The following NMBR variants were observed in gnomAD, a reference collection of about 807,000 sequenced individuals.
NMBR encodes neuromedin-B receptor.
A neutral mutation model predicts 20.5 loss-of-function variants in NMBR; 16 were observed. The observed-to-expected ratio is 0.78, with a 90% CI of 0.53 to 1.19. The LOEUF (loss-of-function observed/expected upper bound fraction) is 1.19. Ranked by LOEUF, NMBR falls within the 50% of genes most tolerant of loss-of-function variation. The pLI, the probability that NMBR is intolerant of heterozygous loss-of-function variation, is 0.00. For missense variants in NMBR, 582 were observed against 499.1 expected (o/e 1.17, Z -1.58); for synonymous variants, 212 against 196.6 (o/e 1.08, Z -0.65).
intron 1 of NMBR, among the ~76,000 whole-genome samples, chr6:142,115,031 T>C (rs1162854472): frequency 6.6e-6 from 1 of 152,128 alleles, no homozygotes; most frequent in Non-Finnish European, 1.5e-5. Flanking sequence ...CTGCAAAGAT[T>C]GAGAGAGACT....
intron 1 of NMBR, among the ~76,000 whole-genome samples, chr6:142,090,732 C>T (rs1025527289): frequency 3.3e-5 from 5 of 151,392 alleles, no homozygotes; most frequent in African/African-American, 1.2e-4. Context: ...TTTTTAACAT[C>T]CAATATTACT....
intron 1 of NMBR, among the ~76,000 whole-genome samples, chr6:142,101,328 G>A (rs1236252072): frequency 6.6e-6 from 1 of 152,102 alleles, no homozygotes; most frequent in Non-Finnish European, 1.5e-5. Flanking sequence ...AACAGCTTTT[G>A]GCTAAACTTG....
chr6:142,129,511 T>C (rs1778102293), intron 1 of NMBR, among the ~76,000 whole-genome samples: 1 of 152,054 alleles, frequency 6.6e-6, no homozygotes, highest in African/African-American at 2.4e-5. Context: ...AGTCCTTGCT[T>C]ACAAGTAGAT....
At chr6:142,115,365 A>G (rs1324042630) in intron 1 of NMBR, among the ~76,000 whole-genome samples, 7 of 152,074 alleles carry the variant, frequency 4.6e-5, no homozygotes, top group African/African-American at 9.7e-5. Context: ...AATAAGGCCT[A>G]TTTGAGGTAT....
rs187323173 is a variant in NMBR, at chr6:142,143,125, T to C, written c.-664+3919A>G. On this transcript the variant is annotated intron_variant, in intron 1 of 3. Transcript: ENST00000258042. ...ATAAACTTATGAGGAATAATTTTTC[T>C]ATAGAGTAATAAAAAATAAAATTTA... Among the ~76,000 whole-genome samples the C allele has an allele frequency of 2.2e-3, 330 of 152,192 alleles. 1 individual carries two copies. In the Middle Eastern group the frequency reaches 0.027, roughly 13 times the overall value.
intron 1 of NMBR, among the ~76,000 whole-genome samples, chr6:142,137,574 A>G (rs1461961590): frequency 6.6e-6 from 1 of 152,278 alleles, no homozygotes; most frequent in Non-Finnish European, 1.5e-5. Context: ...GTCTTGTGCC[A>G]GTTTTCAAAG....
At chr6:142,130,374 T>C (rs985350775) in intron 1 of NMBR, among the ~76,000 whole-genome samples, 1 of 151,888 alleles carries the variant, frequency 6.6e-6, no homozygotes, top group African/African-American at 2.4e-5. Flanking sequence ...GGTCTTAGGG[T>C]AAAAGTCAAA....
intron 1 of NMBR, among the ~76,000 whole-genome samples, chr6:142,141,725 G>A (rs938214081): frequency 2.6e-5 from 4 of 151,982 alleles, no homozygotes; most frequent in Non-Finnish European, 4.4e-5. Context: ...AGGCTGTCTC[G>A]AACTCCTGAC....
chr6:142,082,762 A>G (rs1777124312), intron 2 of NMBR, among the ~76,000 whole-genome samples: 1 of 152,244 alleles, frequency 6.6e-6, no homozygotes, highest in African/African-American at 2.4e-5. Flanking sequence ...CATTTGAAGA[A>G]TCAGATGCCT....
chr6:142,124,835 T>C (rs1323922915), intron 1 of NMBR, among the ~76,000 whole-genome samples: 1 of 151,930 alleles, frequency 6.6e-6, no homozygotes, highest in East Asian at 1.9e-4. Context: ...TACTTCTAAG[T>C]ATGGTTATAA....
In NMBR at chr6:142,098,748, C is replaced by T. The variant is rs138631337; in HGVS notation, c.-663-9427G>A. Among the ~76,000 whole-genome samples the T allele has an allele frequency of 1.4e-4, 22 of 152,232 alleles. No individual in the cohort carries two copies. In the East Asian group the frequency reaches 4.3e-3, roughly 29 times the overall value. On this transcript the variant is annotated intron_variant, in intron 1 of 3. Coordinates refer to ENST00000258042, the MANE Select transcript of NMBR (RefSeq NM_002511.4). ...CTTGTCAAGTTGTAAGTTCTTTTCACCTTCATCTATAAATTCAATGCTATC... is the reference window on the plus strand; with the variant it reads ...CTTGTCAAGTTGTAAGTTCTTTTCATCTTCATCTATAAATTCAATGCTATC...
intron 1 of NMBR, among the ~76,000 whole-genome samples, chr6:142,130,363 T>C (rs1298759393): frequency 6.6e-6 from 1 of 151,996 alleles, no homozygotes; most frequent in Middle Eastern, 3.2e-3. Flanking sequence ...ATGTAAGAAA[T>C]GGTCTTAGGG....
At position 142,086,184 on chromosome 6, in the gene NMBR, C is replaced by T. The variant is rs564288855; in HGVS notation, c.422+2053G>A. 5.4e-4 allele frequency among the ~76,000 whole-genome samples: 82 copies of T among 152,102 alleles called. 1 individual carries two copies. The highest frequency in any genetic ancestry group is 1.1e-3 in the Non-Finnish European group (75 of 67,998). ...TAAATGGCGTTCAAACATGTTGGCA[C>T]CATCAGTGGCTAGCTGTGAGATCAT... is the stretch of plus-strand genomic sequence containing the variant. On this transcript the variant is annotated intron_variant, in intron 2 of 3. Coordinates refer to ENST00000258042, the MANE Select transcript of NMBR (RefSeq NM_002511.4).
intron 2 of NMBR, among the ~76,000 whole-genome samples, chr6:142,082,702 G>T (rs1237902487): frequency 6.6e-6 from 1 of 152,190 alleles, no homozygotes; most frequent in African/African-American, 2.4e-5. Context: ...TGCAATGGGT[G>T]CACATTCAGC....
At chr6:142,135,037 C>T in intron 1 of NMBR, 1 of 446,614 alleles carries the variant, frequency 2.2e-6, no homozygotes, top group South Asian at 5.1e-5. Context: ...AAATTTTTGT[C>T]TACTATAAAA....
Position 142,096,529 on chromosome 6 carries a change from C to G in NMBR, c.-663-7208G>C, listed in dbSNP as rs1404188050. Among the ~76,000 whole-genome samples, 10 of 152,220 alleles carry G rather than the reference C, an allele frequency of 6.6e-5. No individual in the cohort carries two copies. In the South Asian group the frequency reaches 1.5e-3, roughly 22 times the overall value. Reference sequence around the variant, plus strand: ...AGTTCTAGTTTGATTGCACTGTGGTCTGAGAGACAGTTTGTTATAATTTCT... The same window carrying G: ...AGTTCTAGTTTGATTGCACTGTGGTGTGAGAGACAGTTTGTTATAATTTCT... On this transcript the variant is annotated intron_variant, in intron 1 of 3. Coordinates refer to ENST00000258042, the MANE Select transcript of NMBR (RefSeq NM_002511.4).
intron 1 of NMBR, among the ~76,000 whole-genome samples, chr6:142,140,581 C>T (rs1273152119): frequency 1.3e-5 from 2 of 152,068 alleles, no homozygotes; most frequent in African/African-American, 2.4e-5. Flanking sequence ...ACAATAAATA[C>T]AAAAGATCCT....
chr6:142,145,779 T>C (rs1778421905), intron 1 of NMBR, among the ~76,000 whole-genome samples: 1 of 152,200 alleles, frequency 6.6e-6, no homozygotes, highest in South Asian at 2.1e-4. Context: ...CACTGGTCCT[T>C]AACCCTAGAC....
intron 1 of NMBR, among the ~76,000 whole-genome samples, chr6:142,097,041 C>T (rs1682623853): frequency 1.3e-5 from 2 of 152,146 alleles, no homozygotes; most frequent in African/African-American, 4.8e-5. Context: ...CTTCCACCAT[C>T]CCTTTATTTT....
Sources: allele counts gnomAD v4.1 joint callset (sites outside exome capture counted in the v4.1 genomes callset), GRCh38; gene constraint gnomAD v4.1.1; transcripts MANE v1.5; gene names NCBI Gene and HGNC (gene_info 2026-07-23, HGNC 2026-07-21).